Variants in IMMP2L observed in about 807,000 individuals in gnomAD.
IMMP2L encodes mitochondrial inner membrane protease subunit 2.
A neutral mutation model predicts 19.3 loss-of-function variants in IMMP2L; 18 were observed. The observed-to-expected ratio is 0.93, with a 90% CI of 0.64 to 1.38. The LOEUF (loss-of-function observed/expected upper bound fraction) is 1.38, where lower values mean the gene tolerates loss of function less well. Among genes scored for constraint, IMMP2L ranks in the 40% most tolerant of loss-of-function variants. IMMP2L has a pLI of 0.00. For synonymous variants in IMMP2L, 76 were observed against 73.0 expected (o/e 1.04, Z -0.21); for missense variants, 233 against 218.2 (o/e 1.07, Z -0.43).
chr7:111,517,937 CAT>C (rs1325021953), intron 2 of IMMP2L, among the ~76,000 whole-genome samples: 1 of 152,070 alleles, frequency 6.6e-6, no homozygotes, highest in East Asian at 1.9e-4. Flanking sequence ...AGGGACAACT[CAT>C]ATAATGAAAT....
intron 3 of IMMP2L, among the ~76,000 whole-genome samples, chr7:111,337,247 T>TGTA (rs1243095799): frequency 6.6e-6 from 1 of 152,024 alleles, no homozygotes; most frequent in Non-Finnish European, 1.5e-5. Flanking sequence ...CACTAAATAG[T>TGTA]TTATTTTAAC....
At chr7:110,871,544 G>GCTGAAAGGCTAA (rs1281835438) in intron 5 of IMMP2L, among the ~76,000 whole-genome samples, 1 of 152,094 alleles carries the variant, frequency 6.6e-6, no homozygotes, top group African/African-American at 2.4e-5. Context: ...AGGCTAAGAT[G>GCTGAAAGGCTAA]GATATTTGGA....
At chr7:111,281,281 AG>A (rs1293566270) in intron 3 of IMMP2L, among the ~76,000 whole-genome samples, 2 of 151,752 alleles carry the variant, frequency 1.3e-5, no homozygotes, top group African/African-American at 4.8e-5. Flanking sequence ...AAGAAAGAGA[AG>A]GAAAGAAAGA....
At chr7:111,393,871 G>GT (rs899205272) in intron 3 of IMMP2L, among the ~76,000 whole-genome samples, 2 of 152,034 alleles carry the variant, frequency 1.3e-5, no homozygotes, top group African/African-American at 2.4e-5. Context: ...ATGTACGTGT[G>GT]TTTTTTTCCA....
At chr7:110,670,449 G>A (rs1263054216) in intron 5 of IMMP2L, among the ~76,000 whole-genome samples, 2 of 152,128 alleles carry the variant, frequency 1.3e-5, no homozygotes, top group Admixed American at 6.5e-5. Context: ...CAGCACTTTG[G>A]GAGGCCGAGG....
intron 3 of IMMP2L, among the ~76,000 whole-genome samples, chr7:111,113,214 T>C (rs1020065886): frequency 7.9e-5 from 12 of 152,192 alleles, no homozygotes; most frequent in Admixed American, 1.3e-4. Flanking sequence ...CAGGCTTCCT[T>C]ACCTTCTTTA....
intron 1 of IMMP2L, among the ~76,000 whole-genome samples, chr7:111,554,000 G>A (rs12705774): frequency 0.8 from 121,335 of 152,114 alleles, 50,191 homozygotes; most frequent in East Asian, 0.97. Context: ...AGAAGTCTCA[G>A]TAACTTAACT....
chr7:111,030,922 AT>A (rs1790741931), intron 3 of IMMP2L, among the ~76,000 whole-genome samples: 11 of 112,698 alleles, frequency 9.8e-5, no homozygotes, highest in South Asian at 2.7e-4. Flanking sequence ...ATATATATAT[AT>A]ATAAAATATA....
intron 5 of IMMP2L, among the ~76,000 whole-genome samples, chr7:110,849,720 A>G (rs1806010642): frequency 6.6e-6 from 1 of 152,090 alleles, no homozygotes; most frequent in African/African-American, 2.4e-5. Flanking sequence ...AGCAGTAAAC[A>G]TTTTCTGTAA....
chr7:111,319,669 C>T (rs1824472576), intron 3 of IMMP2L, among the ~76,000 whole-genome samples: 1 of 152,020 alleles, frequency 6.6e-6, no homozygotes, highest in South Asian at 2.1e-4. Context: ...AGGCTATATT[C>T]TATAGCGATA....
chr7:111,470,060 T>C (rs921082254), intron 3 of IMMP2L, among the ~76,000 whole-genome samples: 17 of 152,092 alleles, frequency 1.1e-4, no homozygotes, highest in African/African-American at 2.9e-4. Flanking sequence ...AAAAAGTGGG[T>C]GAAGGACATG....
At chr7:111,370,879 T>C (rs1314061637) in intron 3 of IMMP2L, among the ~76,000 whole-genome samples, 1 of 151,942 alleles carries the variant, frequency 6.6e-6, no homozygotes, top group Non-Finnish European at 1.5e-5. Flanking sequence ...CACAAAAACC[T>C]ATTATCTCAC....
chr7:110,702,587 T>C (rs1260422029), intron 5 of IMMP2L, among the ~76,000 whole-genome samples: 2 of 152,172 alleles, frequency 1.3e-5, no homozygotes, highest in Admixed American at 1.3e-4. Context: ...AGGTCTTTAA[T>C]TTCTTTCAAC....
At chr7:111,236,719 C>T (rs1316003555) in intron 3 of IMMP2L, among the ~76,000 whole-genome samples, 1 of 152,126 alleles carries the variant, frequency 6.6e-6, no homozygotes, top group Non-Finnish European at 1.5e-5. Flanking sequence ...AGACTCCCAA[C>T]TCTGTCTCGT....
intron 3 of IMMP2L, among the ~76,000 whole-genome samples, chr7:111,155,103 AAGACGTATG>A (rs1174799045): frequency 6.6e-6 from 1 of 152,104 alleles, no homozygotes; most frequent in Non-Finnish European, 1.5e-5. Context: ...GATATATTCA[AAGACGTATG>A]GGTAATAATT....
At chr7:111,466,654 A>C (rs1213514513) in intron 3 of IMMP2L, among the ~76,000 whole-genome samples, 1 of 152,182 alleles carries the variant, frequency 6.6e-6, no homozygotes, top group Non-Finnish European at 1.5e-5. Flanking sequence ...ACTAGATCTC[A>C]AGAAAGGTTC....
chr7:110,742,354 A>G (rs1383631440), intron 5 of IMMP2L, among the ~76,000 whole-genome samples: 2 of 152,204 alleles, frequency 1.3e-5, no homozygotes, highest in African/African-American at 2.4e-5. Flanking sequence ...AGAAACTATG[A>G]TATCATGAAA....
intron 5 of IMMP2L, among the ~76,000 whole-genome samples, chr7:110,820,653 A>C (rs766102913): frequency 3.3e-5 from 5 of 152,166 alleles, no homozygotes; most frequent in Non-Finnish European, 5.9e-5. Flanking sequence ...TCTGACCTTT[A>C]GCAAATTTAT....
At chr7:111,043,702 A>G (rs1323851546) in intron 3 of IMMP2L, among the ~76,000 whole-genome samples, 1 of 152,204 alleles carries the variant, frequency 6.6e-6, no homozygotes, top group Non-Finnish European at 1.5e-5. Flanking sequence ...ACCAGAAATA[A>G]TTATATCAGT....
Sources: gnomAD v4.1 joint callset for allele counts (sites outside exome capture counted in the v4.1 genomes callset) on GRCh38, gnomAD v4.1.1 for gene constraint, MANE v1.5 for transcripts, NCBI Gene and HGNC (gene_info 2026-07-23, HGNC 2026-07-21) for gene names.